TMEM272: variants seen among roughly 807,000 people sequenced by gnomAD.
TMEM272 encodes the protein transmembrane protein 272.
Under a neutral mutation model 3.7 loss-of-function variants are expected in TMEM272, and 8 were observed. The ratio of observed to expected loss-of-function variants is 2.17; its 90% CI spans 1.27 to 3.91. The LOEUF (loss-of-function observed/expected upper bound fraction) is 3.91, where lower values mean the gene tolerates loss of function less well. Ranked by LOEUF, TMEM272 falls within the 30% of genes most tolerant of loss-of-function variation. The probability of loss-of-function intolerance (pLI) is 0.00; values close to 1 mark genes in which losing one functional copy is unlikely to be tolerated. For missense variants in TMEM272, 166 were observed against 91.5 expected (o/e 1.81, Z -3.32); for synonymous variants, 63 against 39.8 (o/e 1.58, Z -2.20).
chr13:51,881,401 T>A, the TMEM272 span, among the ~76,000 whole-genome samples: 8 of 151,690 alleles, frequency 5.3e-5, no homozygotes, highest in African/African-American at 1.9e-4. Context: ...AAGAAAGGAC[T>A]AGAAAGGCGG....
the TMEM272 span, among the ~76,000 whole-genome samples, chr13:51,872,620 C>T: frequency 6.6e-6 from 1 of 152,098 alleles, no homozygotes; most frequent in African/African-American, 2.4e-5. Flanking sequence ...TTTCAGAATA[C>T]TGGGAGCAAA....
chr13:51,865,509 A>C, the TMEM272 span: 1 of 1,614,194 alleles, frequency 6.2e-7, no homozygotes, highest in Non-Finnish European at 8.5e-7. Flanking sequence ...CTAATGCACA[A>C]GCTGCAGGAG....
At chr13:51,827,128 A>G (rs1956132623) in intron 2 of TMEM272, among the ~76,000 whole-genome samples, 1 of 152,354 alleles carries the variant, frequency 6.6e-6, no homozygotes, top group East Asian at 1.9e-4. Flanking sequence ...TATATTCCAC[A>G]GCCCATGACA....
the TMEM272 span, among the ~76,000 whole-genome samples, chr13:51,900,689 C>CAA: frequency 2.2e-4 from 32 of 147,726 alleles, no homozygotes; most frequent in African/African-American, 7.4e-4. Flanking sequence ...TCATAGTAGC[C>CAA]AAAAAAAAAT....
chr13:51,909,813 C>T, the TMEM272 span: 4 of 1,587,110 alleles, frequency 2.5e-6, no homozygotes, highest in Non-Finnish European at 1.7e-6. Context: ...CTTTAGCAAG[C>T]GTTCAGTCAG....
the TMEM272 span, among the ~76,000 whole-genome samples, chr13:51,905,797 C>T: frequency 6.6e-6 from 1 of 152,226 alleles, no homozygotes; most frequent in African/African-American, 2.4e-5. Context: ...TTAATGTCAG[C>T]GTGTGTCTGA....
At chr13:51,919,127 CGA>C in the TMEM272 span, among the ~76,000 whole-genome samples, 2 of 152,174 alleles carry the variant, frequency 1.3e-5, no homozygotes, top group African/African-American at 4.8e-5. Flanking sequence ...TGGCCAGTGC[CGA>C]GGCCCAGGTG....
the TMEM272 span, among the ~76,000 whole-genome samples, chr13:51,876,871 G>A: frequency 6.6e-6 from 1 of 152,202 alleles, no homozygotes; most frequent in East Asian, 1.9e-4. Flanking sequence ...GGTTTGAGGT[G>A]CAAGCTGGAG....
At chr13:51,853,844 T>C in the TMEM272 span, among the ~76,000 whole-genome samples, 1 of 152,224 alleles carries the variant, frequency 6.6e-6, no homozygotes, top group Non-Finnish European at 1.5e-5. Context: ...TAGAAGAATA[T>C]ACCCCAAAAT....
chr13:51,922,236 TA>T, the TMEM272 span, among the ~76,000 whole-genome samples: 3 of 152,124 alleles, frequency 2.0e-5, no homozygotes, highest in Non-Finnish European at 4.4e-5. Context: ...ACGGGGCAGA[TA>T]AACACAGGAA....
At chr13:51,822,605 A>G (rs1956089407) in intron 3 of TMEM272, among the ~76,000 whole-genome samples, 1 of 152,208 alleles carries the variant, frequency 6.6e-6, no homozygotes, top group Non-Finnish European at 1.5e-5. Context: ...TCCAGGGGCC[A>G]GGTGGCAGGG....
the TMEM272 span, among the ~76,000 whole-genome samples, chr13:51,860,448 G>C: frequency 6.6e-6 from 1 of 152,040 alleles, no homozygotes; most frequent in East Asian, 1.9e-4. Context: ...AGGCCAGCCT[G>C]GGCAACATGG....
chr13:51,827,552 T>G (rs1158525529), intron 2 of TMEM272, among the ~76,000 whole-genome samples: 1 of 152,122 alleles, frequency 6.6e-6, no homozygotes, highest in Admixed American at 6.5e-5. Flanking sequence ...GCCTCTTGGG[T>G]AGGCCTGCCC....
At chr13:51,884,186 G>C in the TMEM272 span, among the ~76,000 whole-genome samples, 2 of 152,126 alleles carry the variant, frequency 1.3e-5, no homozygotes, top group African/African-American at 4.8e-5. Context: ...TTCTAGAAAA[G>C]GCTATCCTCC....
chr13:51,916,346 T>C, the TMEM272 span, among the ~76,000 whole-genome samples: 1 of 152,116 alleles, frequency 6.6e-6, no homozygotes, highest in Non-Finnish European at 1.5e-5. Context: ...CTCAGTTCTT[T>C]CTCCATGAAA....
At chr13:51,865,117 G>A in the TMEM272 span, among the ~76,000 whole-genome samples, 1 of 152,182 alleles carries the variant, frequency 6.6e-6, no homozygotes, top group Admixed American at 6.5e-5. Context: ...GAGTGTCTAC[G>A]TTTTTAGCAG....
chr13:51,825,970 T>C (rs1471594349), intron 3 of TMEM272, among the ~76,000 whole-genome samples: 2 of 151,986 alleles, frequency 1.3e-5, no homozygotes, highest in Admixed American at 6.6e-5. Flanking sequence ...CCATTAGCAA[T>C]GTTCAGGAGC....
chr13:51,854,621 C>G, the TMEM272 span, among the ~76,000 whole-genome samples: 1 of 152,150 alleles, frequency 6.6e-6, no homozygotes, highest in Non-Finnish European at 1.5e-5. Context: ...CAAATCTAGG[C>G]TCTACTTCTG....
the TMEM272 span, among the ~76,000 whole-genome samples, chr13:51,926,657 G>A: frequency 6.6e-6 from 1 of 151,608 alleles, no homozygotes; most frequent in Non-Finnish European, 1.5e-5. Context: ...GGGTGTGGGT[G>A]TGTGTGCATG....
Sources: gnomAD v4.1 joint callset for allele counts (sites outside exome capture counted in the v4.1 genomes callset) on GRCh38, gnomAD v4.1.1 for gene constraint, MANE v1.5 for transcripts, NCBI Gene and HGNC (gene_info 2026-07-23, HGNC 2026-07-21) for gene names.